The following NEK10 variants were observed in gnomAD, a reference collection of about 807,000 sequenced individuals.
NEK10 encodes the protein NIMA related kinase 10.
A neutral mutation model predicts 159.8 loss-of-function variants in NEK10; 122 were observed. The ratio of observed to expected loss-of-function variants is 0.76; its 90% CI spans 0.66 to 0.89. NEK10 has a LOEUF of 0.89. Ranked by LOEUF, NEK10 falls within the 40% of genes least tolerant of loss-of-function variation. The pLI is 0.00. For synonymous variants in NEK10, 466 were observed against 457.1 expected (o/e 1.02, Z -0.25); for missense variants, 1,342 against 1,323.1 (o/e 1.01, Z -0.22).
intron 32 of NEK10, among the ~76,000 whole-genome samples, chr3:27,127,535 CTGT>C (rs1942110035): frequency 6.6e-6 from 1 of 152,106 alleles, no homozygotes; most frequent in Non-Finnish European, 1.5e-5. Flanking sequence ...GTATTAAATA[CTGT>C]AGGCAACCGC....
chr3:27,299,862 A>T (rs1231350147), intron 13 of NEK10, among the ~76,000 whole-genome samples: 1 of 152,162 alleles, frequency 6.6e-6, no homozygotes, highest in African/African-American at 2.4e-5. Context: ...CCCATTTGGA[A>T]CAGCTGTATT....
intron 26 of NEK10, among the ~76,000 whole-genome samples, chr3:27,188,456 G>T (rs185958048): frequency 6.2e-4 from 95 of 152,218 alleles, no homozygotes; most frequent in Admixed American, 3.1e-3. Flanking sequence ...TATACCACAG[G>T]CATTTTCAAT....
At chr3:27,309,463 T>C (rs1385265892) in intron 9 of NEK10, 1 of 152,444 alleles carries the variant, frequency 6.6e-6, no homozygotes, top group Non-Finnish European at 1.5e-5. Flanking sequence ...TATCCAGTTC[T>C]TTACAGATGG....
chr3:27,204,298 G>GTTT (rs1559606061), intron 23 of NEK10, among the ~76,000 whole-genome samples: 1 of 65,520 alleles, frequency 1.5e-5, no homozygotes, highest in Non-Finnish European at 2.8e-5. Flanking sequence ...TTTTTTTGTT[G>GTTT]TTGTTTTTTT....
At chr3:27,265,042 C>T (rs1168367422) in intron 22 of NEK10, among the ~76,000 whole-genome samples, 6 of 152,186 alleles carry the variant, frequency 3.9e-5, no homozygotes, top group African/African-American at 1.4e-4. Flanking sequence ...CAAAATTCAA[C>T]ATCTATTCCT....
At chr3:27,145,714 C>T (rs1393183683) in intron 30 of NEK10, among the ~76,000 whole-genome samples, 1 of 152,102 alleles carries the variant, frequency 6.6e-6, no homozygotes, top group Non-Finnish European at 1.5e-5. Context: ...AAACTGTCTG[C>T]TCCTTTATTG....
At chr3:27,293,173 T>A (rs2043122648) in intron 16 of NEK10, among the ~76,000 whole-genome samples, 1 of 152,146 alleles carries the variant, frequency 6.6e-6, no homozygotes, top group African/African-American at 2.4e-5. Context: ...AAAAAAACAG[T>A]TTGTTTTCCC....
chr3:27,352,370 A>G (rs1393341381), intron 3 of NEK10, 95 bp downstream of exon 3: 3 of 807,646 alleles, frequency 3.7e-6, no homozygotes, highest in South Asian at 1.5e-5. Flanking sequence ...AGCAAAGAAA[A>G]GCAGACATAT....
At chr3:27,355,105 A>T (rs999685562) in intron 1 of NEK10, among the ~76,000 whole-genome samples, 11 of 152,188 alleles carry the variant, frequency 7.2e-5, no homozygotes, top group African/African-American at 2.7e-4. Flanking sequence ...AAGGTAAAGG[A>T]TCTTTGCTAT....
intron 23 of NEK10, among the ~76,000 whole-genome samples, chr3:27,245,229 T>C (rs1438247423): frequency 6.6e-6 from 1 of 152,236 alleles, no homozygotes; most frequent in Admixed American, 6.5e-5. Flanking sequence ...TCTTGATTCC[T>C]GAAGCCATTT....
chr3:27,350,978 GC>G (rs1229293020), intron 3 of NEK10, among the ~76,000 whole-genome samples: 4 of 152,082 alleles, frequency 2.6e-5, no homozygotes, highest in Non-Finnish European at 4.4e-5. Context: ...TGAACCAGAG[GC>G]AAAAGTCAAA....
intron 3 of NEK10, among the ~76,000 whole-genome samples, chr3:27,351,334 G>A (rs1029190379): frequency 6.6e-6 from 1 of 151,904 alleles, no homozygotes; most frequent in Non-Finnish European, 1.5e-5. Context: ...AAGAAAGAAC[G>A]GACTTAATTT....
At chr3:27,336,162 G>C (rs547497899) in intron 5 of NEK10, among the ~76,000 whole-genome samples, 1 of 152,160 alleles carries the variant, frequency 6.6e-6, no homozygotes, top group Admixed American at 6.5e-5. Flanking sequence ...AATGGAAAAG[G>C]AGATATTACA....
intron 12 of NEK10, among the ~76,000 whole-genome samples, chr3:27,303,614 G>A (rs184103637): frequency 6.6e-6 from 1 of 152,240 alleles, no homozygotes; most frequent in East Asian, 1.9e-4. Flanking sequence ...AAGCAAGTGG[G>A]TTGTCAACAG....
intron 30 of NEK10, among the ~76,000 whole-genome samples, chr3:27,153,303 G>C (rs1945070305): frequency 6.8e-6 from 1 of 146,094 alleles, no homozygotes; most frequent in Non-Finnish European, 1.5e-5. Context: ...CTGGGCGACA[G>C]AGCGAGACTC....
In NEK10 at chr3:27,304,768, T is replaced by C. The variant is rs757611902; in HGVS notation, c.1007A>G (p.Gln336Arg). 6.2e-7 allele frequency: 1 copy of C among 1,612,998 alleles called. No individual in the cohort carries two copies. The highest frequency in any genetic ancestry group is 1.1e-5 in the South Asian group (1 of 91,062). ...VEIRIWGGIK[Q>R]LLHILQGDRN... is the part of the protein sequence containing the mutation. ...TCACCCTTGTAAAATATGAAGAAGC[T>C]GTTTGATGCCTCCCCAAATGCGAAT... is the stretch of plus-strand genomic sequence containing the variant. The change falls in exon 12 of 36, where the codon CAG (glutamine) becomes CGG (arginine). Residue 336 changes from glutamine to arginine, a missense_variant. By Grantham distance (43) the Gln-to-Arg change is conservative. Transcript: ENST00000691995.
At chr3:27,312,487 T>C (rs752580004) in intron 7 of NEK10, among the ~76,000 whole-genome samples, 1 of 152,178 alleles carries the variant, frequency 6.6e-6, no homozygotes, top group Non-Finnish European at 1.5e-5. Flanking sequence ...AAATACAAGA[T>C]ACATATAAGA....
chr3:27,115,098 C>G (rs1220318275), intron 35 of NEK10, among the ~76,000 whole-genome samples: 1 of 152,222 alleles, frequency 6.6e-6, no homozygotes, highest in Non-Finnish European at 1.5e-5. Context: ...GGCATTAACA[C>G]TTCCTAGGGA....
chr3:27,222,061 G>A (rs1312844305), intron 23 of NEK10, among the ~76,000 whole-genome samples: 6 of 152,158 alleles, frequency 3.9e-5, no homozygotes, highest in Non-Finnish European at 7.4e-5. Context: ...AATTGACTCC[G>A]TAACATTATT....
Sources: allele counts gnomAD v4.1 joint callset (sites outside exome capture counted in the v4.1 genomes callset), GRCh38; gene constraint gnomAD v4.1.1; transcripts MANE v1.5; gene names NCBI Gene and HGNC (gene_info 2026-07-23, HGNC 2026-07-21).